The following SH3YL1 variants were observed in gnomAD, a reference collection of about 807,000 sequenced individuals.
SH3YL1 encodes the protein SH3 and SYLF domain containing 1, also known as SH3 domain-containing YSC84-like protein 1.
A neutral mutation model predicts 45.8 loss-of-function variants in SH3YL1; 41 were observed. That is an observed-to-expected ratio of 0.89 (90% CI 0.70 to 1.16). SH3YL1 has a LOEUF of 1.16. Among genes scored for constraint, SH3YL1 ranks in the 50% most tolerant of loss-of-function variants. SH3YL1 has a pLI of 0.00. For missense variants in SH3YL1, 389 were observed against 409.6 expected, an observed-to-expected ratio of 0.95 and a Z score of 0.43; for synonymous variants, 152 against 151.4, an observed-to-expected ratio of 1.00 and a Z score of -0.03.
chr2:240,950 A>G (rs1486935880), intron 4 of SH3YL1: 1 of 152,220 alleles, frequency 6.6e-6, no homozygotes, highest in Non-Finnish European at 1.5e-5. Context: ...TTGATACAAT[A>G]TAATATCTAA....
At chr2:245,360 C>A (rs1668751801) in intron 4 of SH3YL1, among the ~76,000 whole-genome samples, 1 of 152,166 alleles carries the variant, frequency 6.6e-6, no homozygotes, top group Non-Finnish European at 1.5e-5. Flanking sequence ...TAGTTAATTT[C>A]CATACTGTCA....
At chr2:226,940 C>T (rs917749418) in intron 8 of SH3YL1, among the ~76,000 whole-genome samples, 2 of 151,556 alleles carry the variant, frequency 1.3e-5, no homozygotes, top group Non-Finnish European at 2.9e-5. Flanking sequence ...TGGATAGTAA[C>T]CATGGTGAAA....
chr2:241,396 C>G (rs1333507506), intron 4 of SH3YL1: 1 of 151,976 alleles, frequency 6.6e-6, no homozygotes, highest in African/African-American at 2.4e-5. Context: ...GACAGAAACA[C>G]AAGAAACCTG....
intron 8 of SH3YL1, among the ~76,000 whole-genome samples, chr2:226,433 T>G (rs1168400726): frequency 6.6e-6 from 1 of 152,216 alleles, no homozygotes; most frequent in African/African-American, 2.4e-5. Context: ...GCAATTTATA[T>G]GAAGAGATGT....
At chr2:235,766 C>G (rs1398267352) in intron 4 of SH3YL1, among the ~76,000 whole-genome samples, 1 of 30,130 alleles carries the variant, frequency 3.3e-5, no homozygotes, top group African/African-American at 1.0e-4. Flanking sequence ...GGGGAGGCAG[C>G]AGCATGGGTC....
At chr2:249,702 TC>T in intron 3 of SH3YL1, 28 bp downstream of exon 3, 2 of 1,441,044 alleles carry the variant, frequency 1.4e-6, no homozygotes, top group Non-Finnish European at 1.9e-6. Context: ...ATGAAGACTC[TC>T]TACTCCAGTG....
rs548460871 is a variant in SH3YL1 at position 238,080 on chromosome 2, C to G, written c.292-3808G>C. On this transcript the variant is annotated intron_variant, in intron 4 of 9. Coordinates refer to ENST00000356150, the MANE Select transcript of SH3YL1 (RefSeq NM_015677.4). ...CTGTTGTCCTGTCAGAGCATCACCC[C>G]CTTCTGGATGATTGACTGCTGTCAG... 1.7e-3 allele frequency among the ~76,000 whole-genome samples: 253 copies of G among 152,250 alleles called. 1 individual carries two copies. Among genetic ancestry groups the G allele is most frequent in the Non-Finnish European group, 3.0e-3 (203 of 68,020 alleles).
At chr2:224,653 C>T (rs1292365155) in intron 9 of SH3YL1, among the ~76,000 whole-genome samples, 2 of 152,214 alleles carry the variant, frequency 1.3e-5, no homozygotes, top group African/African-American at 4.8e-5. Context: ...TGACTGTCAG[C>T]TTCCTATCAC....
intron 1 of SH3YL1, chr2:260,619 G>A (rs910850008): frequency 7.9e-5 from 12 of 152,260 alleles, no homozygotes; most frequent in African/African-American, 2.7e-4. Flanking sequence ...AGAAGGTGGA[G>A]AGAGCACCTG....
chr2:234,039 G>T, intron 5 of SH3YL1, 121 bp downstream of exon 5: 4 of 691,674 alleles, frequency 5.8e-6, no homozygotes, highest in East Asian at 2.7e-5. Flanking sequence ...CAAATCTTTC[G>T]GGCATGTATA....
intron 4 of SH3YL1, chr2:242,102 T>C (rs559100010): frequency 2.0e-5 from 3 of 152,054 alleles, no homozygotes; most frequent in African/African-American, 4.8e-5. Flanking sequence ...TATTATATAC[T>C]AGACAATAAC....
chr2:232,434 T>C (rs1668088818), intron 6 of SH3YL1, among the ~76,000 whole-genome samples: 1 of 72,070 alleles, frequency 1.4e-5, no homozygotes, highest in Non-Finnish European at 2.6e-5. Context: ...TACTAACTTA[T>C]GTTTAAGTTT....
chr2:218,776 T>TCGGTGG lies in SH3YL1; in HGVS notation c.*34_*35insCCACCG. 6.7e-7 allele frequency: 1 copy of TCGGTGG among 1,501,520 alleles called. No individual in the cohort carries two copies. Among genetic ancestry groups the TCGGTGG allele is most frequent in the Non-Finnish European group, 9.0e-7 (1 of 1,113,416 alleles). The allele number at this position is 1,501,520 out of a possible 1,614,324, so 93.0% of individuals were successfully genotyped here. ...AATCCTGTCAGTGTAGAAATAATTT[T>TCGGTGG]TTTGTAATTCTCAAAGAAGAAAATA... On this transcript the variant is annotated 3_prime_UTR_variant, in exon 10 of 10. Transcript: ENST00000356150.
At chr2:247,903 G>A (rs1462069715) in intron 3 of SH3YL1, among the ~76,000 whole-genome samples, 2 of 152,106 alleles carry the variant, frequency 1.3e-5, no homozygotes, top group African/African-American at 4.8e-5. Context: ...TAGCCATACA[G>A]AGCACTTGGT....
intron 1 of SH3YL1, chr2:262,513 C>T: frequency 8.7e-7 from 1 of 1,152,460 alleles, no homozygotes; most frequent in Non-Finnish European, 1.2e-6. Context: ...CCACACATGC[C>T]ACACTGGTCT....
At chr2:254,503 G>A (rs1176724731) in intron 1 of SH3YL1, among the ~76,000 whole-genome samples, 1 of 152,198 alleles carries the variant, frequency 6.6e-6, no homozygotes, top group Non-Finnish European at 1.5e-5. Flanking sequence ...CAGGATGCCA[G>A]GATCTGGAAG....
At chr2:253,988 G>A (rs1376805046) in intron 1 of SH3YL1, among the ~76,000 whole-genome samples, 1 of 151,998 alleles carries the variant, frequency 6.6e-6, no homozygotes, top group African/African-American at 2.4e-5. Context: ...GGCCCCAAAG[G>A]ATGTTAAACA....
intron 4 of SH3YL1, 112 bp downstream of exon 4, chr2:247,426 A>G: frequency 5.6e-6 from 4 of 710,702 alleles, no homozygotes; most frequent in Non-Finnish European, 8.9e-6. Context: ...AATTTTTCCT[A>G]AGTGCCAATG....
intron 3 of SH3YL1, 102 bp downstream of exon 3, chr2:249,629 T>C (rs1668986356): frequency 6.1e-6 from 5 of 818,138 alleles, no homozygotes; most frequent in Non-Finnish European, 7.9e-6. Context: ...TTTTAGTTGA[T>C]ATGCAGGAAA....
Sources: gnomAD v4.1 joint callset for allele counts (sites outside exome capture counted in the v4.1 genomes callset) on GRCh38, gnomAD v4.1.1 for gene constraint, MANE v1.5 for transcripts, NCBI Gene and HGNC (gene_info 2026-07-23, HGNC 2026-07-21) for gene names.